Variants in RAB4B observed in about 807,000 individuals in gnomAD.
The protein encoded by RAB4B is ras-related protein Rab-4B.
A neutral mutation model predicts 28.3 loss-of-function variants in RAB4B; 15 were observed. The ratio of observed to expected loss-of-function variants is 0.53; its 90% CI spans 0.35 to 0.82. The LOEUF is 0.82. RAB4B is among the 40% of genes least tolerant of loss of function. The pLI is 0.01. For missense variants in RAB4B, 244 were observed against 288.5 expected (o/e 0.85, Z 1.12); for synonymous variants, 108 against 116.3 (o/e 0.93, Z 0.46).
chr19:40,789,402 G>A (rs902102206), intron 7 of RAB4B, among the ~76,000 whole-genome samples: 1 of 149,664 alleles, frequency 6.7e-6, no homozygotes, highest in African/African-American at 2.5e-5. Flanking sequence ...GGGTTTCTCC[G>A]TGTTGGTCAG....
At chr19:40,783,171 A>AAAT (rs1568491949) in intron 3 of RAB4B, among the ~76,000 whole-genome samples, 4 of 133,326 alleles carry the variant, frequency 3.0e-5, no homozygotes, top group Admixed American at 7.2e-5. Context: ...AAAAAAAAAA[A>AAAT]AGAAAAAGGA....
intron 2 of RAB4B, 47 bp from the exon 3 acceptor site, chr19:40,780,338 T>A (rs536621472): frequency 2.6e-5 from 40 of 1,530,200 alleles, no homozygotes; most frequent in Admixed American, 1.6e-4. Flanking sequence ...TCCTCTGAGC[T>A]GTCTCCTCTC....
chr19:40,787,168 C>T (rs965494278), intron 7 of RAB4B, among the ~76,000 whole-genome samples, 190 bp downstream of exon 7: 2 of 146,274 alleles, frequency 1.4e-5, no homozygotes, highest in Non-Finnish European at 3.0e-5. Flanking sequence ...TTTGGGAGTC[C>T]GAGGCGGGCG....
intron 3 of RAB4B, among the ~76,000 whole-genome samples, chr19:40,783,186 GAC>G (rs1015558051): frequency 3.9e-5 from 5 of 128,412 alleles, no homozygotes; most frequent in Non-Finnish European, 6.7e-5. Flanking sequence ...AAAGGAAAAA[GAC>G]ACATAGGTTA....
Position 40,783,769 on chromosome 19 carries a change from GC to G in RAB4B, c.213-5del. 1 of 1,476,050 alleles carries G rather than the reference GC, an allele frequency of 6.8e-7. No individual in the cohort carries two copies. The allele number at this position is 1,476,050 out of a possible 1,614,324, so 91.4% of individuals were successfully genotyped here. A position where few individuals can be genotyped will look rare whatever the true frequency, so the allele number is the denominator to read the frequency against. On this transcript the variant is annotated splice_region_variant and splice_polypyrimidine_tract_variant and intron_variant, in intron 3 of 7. Coordinates refer to ENST00000357052, the MANE Select transcript of RAB4B (RefSeq NM_016154.5). ...CCTTGGGGGTGACTGGGTCCCCCTG[GC>G]CCCACAGGTCAGTGACGCGGAGTTA...
At position 40,786,832 on chromosome 19, in the gene RAB4B, C is replaced by T; in HGVS notation, c.527-16C>T. 1 of 1,614,164 alleles carries T rather than the reference C, an allele frequency of 6.2e-7. No individual in the cohort carries two copies. The highest frequency in any genetic ancestry group is 8.5e-7 in the Non-Finnish European group (1 of 1,179,996). ...GTCTCCAGGCAACCAATGCTGACCTCTCCCCTTCCCCACAGGCGAGCTAGA... is the reference window on the plus strand; with the variant it reads ...GTCTCCAGGCAACCAATGCTGACCTTTCCCCTTCCCCACAGGCGAGCTAGA... On this transcript the variant is annotated splice_polypyrimidine_tract_variant and intron_variant, in intron 6 of 7. Coordinates refer to ENST00000357052, the MANE Select transcript of RAB4B (RefSeq NM_016154.5).
intron 5 of RAB4B, 99 bp downstream of exon 5, chr19:40,784,174 T>C (rs2083077238): frequency 7.0e-7 from 1 of 1,421,886 alleles, no homozygotes; most frequent in African/African-American, 1.4e-5. Flanking sequence ...CAGGGGAACG[T>C]GGAGGTTCAG....
chr19:40,783,815 G>A lies in RAB4B; in HGVS notation c.250G>A (p.Ala84Thr), dbSNP rs139412370. 104 of 1,468,350 alleles carry A rather than the reference G, an allele frequency of 7.1e-5. No individual in the cohort carries two copies. The highest frequency in any genetic ancestry group is 9.2e-5 in the Non-Finnish European group (101 of 1,092,582). The allele number at this position is 1,468,350 out of a possible 1,614,324, so 91.0% of individuals were successfully genotyped here. The part of the protein sequence containing the change: ...TRSYYRGAAG[A>T]LLVYDITSRE... Reference sequence around the variant, plus strand: ...GAGTTATTACCGAGGGGCGGCTGGAGCCCTGCTGGTGTACGACATCACCAG... The same window carrying A: ...GAGTTATTACCGAGGGGCGGCTGGAACCCTGCTGGTGTACGACATCACCAG... Residue 84 changes from alanine (A) to threonine (T), a missense_variant, in exon 4 of 8, where the codon GCC (alanine) becomes ACC (threonine). By Grantham distance (58) the Ala-to-Thr change is moderately conservative. Transcript: ENST00000357052.
chr19:40,794,438 C>G (rs2083189404), intron 7 of RAB4B: 1 of 151,836 alleles, frequency 6.6e-6, no homozygotes. Flanking sequence ...CTATGTTGCC[C>G]AGGCTGGTCT....
At chr19:40,778,900 G>A in intron 1 of RAB4B, 1 of 955,254 alleles carries the variant, frequency 1.0e-6, no homozygotes. Context: ...TCTGGGCAGA[G>A]GGAGGGAAGG....
chr19:40,778,380 C>G lies in RAB4B; in HGVS notation c.5C>G (p.Ala2Gly). The change falls in exon 1 of 8, where the codon GCT becomes GGT. Residue 2 changes from alanine to glycine, a missense_variant. By Grantham distance (60) the Ala-to-Gly change is moderately conservative. Transcript: ENST00000357052. M[A>G]ETYDFLFKFL... ...CTCAGCGGCCGCGACCGAGTCATGG[C>G]TGAGACCTACGGTGAGGGTGGTGGA... 1 of 1,476,442 alleles carries G rather than the reference C, an allele frequency of 6.8e-7. No individual in the cohort carries two copies. The highest frequency in any genetic ancestry group is 8.9e-7 in the Non-Finnish European group (1 of 1,119,434). The allele number at this position is 1,476,442 out of a possible 1,614,324, so 91.5% of individuals were successfully genotyped here. A position where few individuals can be genotyped will look rare whatever the true frequency, so the allele number is the denominator to read the frequency against.
At chr19:40,782,646 C>G (rs920806899) in intron 3 of RAB4B, among the ~76,000 whole-genome samples, 2 of 151,266 alleles carry the variant, frequency 1.3e-5, no homozygotes, top group African/African-American at 4.9e-5. Context: ...AACCCCATCT[C>G]TACTAAAAAT....
At chr19:40,790,664 CTTTTTTTTTTTTT>C (rs34206561) in intron 7 of RAB4B, among the ~76,000 whole-genome samples, 1 of 111,512 alleles carries the variant, frequency 9.0e-6, no homozygotes, top group Non-Finnish European at 1.8e-5. Flanking sequence ...TGAGCCTTTC[CTTTTTTTTTTTTT>C]TTTTTTTTAA....
At chr19:40,786,514 T>G in intron 5 of RAB4B, 151 bp from the exon 6 acceptor site, 11 of 1,160,150 alleles carry the variant, frequency 9.5e-6, no homozygotes, top group East Asian at 5.4e-5. Context: ...GAAGCGGACA[T>G]TAGTGGCAGG....
intron 7 of RAB4B, among the ~76,000 whole-genome samples, chr19:40,787,952 ACT>A (rs996859979): frequency 4.7e-5 from 5 of 106,338 alleles, no homozygotes; most frequent in Non-Finnish European, 7.1e-5. Flanking sequence ...ACAGAGCAAG[ACT>A]CTGTCTCAAA....
rs1568490752 is a variant in RAB4B at position 40,780,112 on chromosome 19, C to T, written c.97+13C>T. The T allele has an allele frequency of 4.3e-6, 7 of 1,613,302 alleles. No individual in the cohort carries two copies. Among genetic ancestry groups the T allele is most frequent in the Middle Eastern group, 1.7e-4 (1 of 6,056 alleles). ...ATTGAGAATAAGTGTGAGTTTCCCGCAGTGGTCCTGGGAACCCTGAGCTGT... is the reference window on the plus strand; with the variant it reads ...ATTGAGAATAAGTGTGAGTTTCCCGTAGTGGTCCTGGGAACCCTGAGCTGT... On this transcript the variant is annotated intron_variant, in intron 2 of 7. Transcript: ENST00000357052.
chr19:40,784,063 G>T lies in RAB4B; in HGVS notation c.418G>T (p.Ala140Ser), dbSNP rs759614557. ...CACTTTCCTGGAGGCCTCCCGCTTT[G>T]CCCAGGAGAATGGTGAGGGCTGTGT... ...EVTFLEASRF[A>S]QENELMFLET... Residue 140 changes from alanine to serine, a missense_variant, in exon 5 of 8, where the codon GCC becomes TCC. Physicochemically the swap from Ala to Ser is moderately conservative, Grantham distance 99. Coordinates refer to ENST00000357052, the MANE Select transcript of RAB4B (RefSeq NM_016154.5). The T allele has an allele frequency of 6.2e-6, 10 of 1,611,840 alleles. No individual in the cohort carries two copies. In the African/African-American group the frequency reaches 1.2e-4, roughly 19 times the overall value.
chr19:40,784,284 G>A (rs1457270551), intron 5 of RAB4B, among the ~76,000 whole-genome samples: 1 of 152,154 alleles, frequency 6.6e-6, no homozygotes, highest in African/African-American at 2.4e-5. Flanking sequence ...TTGAGCCCAG[G>A]AGTTTGAGAC....
chr19:40,783,793 T>G lies in RAB4B; in HGVS notation c.228T>G (p.Ser76Arg). 1 of 1,574,112 alleles carries G rather than the reference T, an allele frequency of 6.4e-7. No individual in the cohort carries two copies. The highest frequency in any genetic ancestry group is 8.6e-7 in the Non-Finnish European group (1 of 1,157,504). ...GGCCCCACAGGTCAGTGACGCGGAG[T>G]TATTACCGAGGGGCGGCTGGAGCCC... ...GQERFRSVTR[S>R]YYRGAAGALL... Residue 76 changes from serine (S) to arginine (R), a missense_variant, in exon 4 of 8, where the codon AGT (serine) becomes AGG (arginine). Physicochemically the swap from Ser to Arg is moderately radical, Grantham distance 110. Transcript: ENST00000357052.
Sources: allele counts gnomAD v4.1 joint callset (sites outside exome capture counted in the v4.1 genomes callset), GRCh38; gene constraint gnomAD v4.1.1; transcripts MANE v1.5; gene names NCBI Gene and HGNC (gene_info 2026-07-23, HGNC 2026-07-21).